The following PPP2R2B variants were observed in gnomAD, a reference collection of about 807,000 sequenced individuals.
PPP2R2B encodes the protein protein phosphatase 2 regulatory subunit Bbeta.
Under a neutral mutation model 46.0 loss-of-function variants are expected in PPP2R2B, and 5 were observed. That is an observed-to-expected ratio of 0.11 (90% confidence interval 0.06 to 0.23). PPP2R2B has a LOEUF of 0.23. Among genes scored for constraint, PPP2R2B ranks in the 10% least tolerant of loss-of-function variants. PPP2R2B has a pLI of 1.00. For missense variants in PPP2R2B, 367 were observed against 575.0 expected (o/e 0.64, Z 3.70); for synonymous variants, 215 against 206.7 (o/e 1.04, Z -0.34).
chr5:146,925,402 T>C (rs1378466814), intron 1 of PPP2R2B, among the ~76,000 whole-genome samples: 2 of 152,228 alleles, frequency 1.3e-5, no homozygotes, highest in African/African-American at 2.4e-5. Context: ...AAGGATAGTT[T>C]TGTTAGATAC....
At chr5:146,910,555 T>C (rs1193445565) in intron 1 of PPP2R2B, among the ~76,000 whole-genome samples, 1 of 152,214 alleles carries the variant, frequency 6.6e-6, no homozygotes, top group East Asian at 1.9e-4. Context: ...TTGCCTCATC[T>C]GCAAAAGGGT....
chr5:146,827,202 G>GC, intron 2 of PPP2R2B, among the ~76,000 whole-genome samples: 1 of 152,120 alleles, frequency 6.6e-6, no homozygotes, highest in Non-Finnish European at 1.5e-5. Context: ...TAGCTGAATT[G>GC]CCAGGGAATT....
At chr5:147,063,804 G>A (rs1757340179) in intron 2 of PPP2R2B, among the ~76,000 whole-genome samples, 1 of 152,196 alleles carries the variant, frequency 6.6e-6, no homozygotes, top group African/African-American at 2.4e-5. Flanking sequence ...GATTTGAAAG[G>A]AACGCAGCAC....
At chr5:146,842,310 T>G (rs1014487587) in intron 2 of PPP2R2B, among the ~76,000 whole-genome samples, 5 of 152,098 alleles carry the variant, frequency 3.3e-5, no homozygotes, top group Non-Finnish European at 5.9e-5. Flanking sequence ...GAGCCAGAGC[T>G]TTAATCAAAT....
At chr5:146,877,296 TGA>T (rs1761951592) in intron 2 of PPP2R2B, among the ~76,000 whole-genome samples, 1 of 152,172 alleles carries the variant, frequency 6.6e-6, no homozygotes, top group Non-Finnish European at 1.5e-5. Flanking sequence ...CTCAGCTTGC[TGA>T]ACCCTTTTGC....
intron 2 of PPP2R2B, among the ~76,000 whole-genome samples, chr5:146,876,172 ATATCTATTT>A (rs1223244046): frequency 1.3e-5 from 2 of 152,208 alleles, no homozygotes; most frequent in Non-Finnish European, 2.9e-5. Context: ...CTATAAACTC[ATATCTATTT>A]TTGACTATGT....
chr5:146,715,712 G>A (rs1780458567), intron 2 of PPP2R2B, among the ~76,000 whole-genome samples: 1 of 152,164 alleles, frequency 6.6e-6, no homozygotes, highest in Non-Finnish European at 1.5e-5. Context: ...AAACCCAATT[G>A]TAGTTCCAAA....
At chr5:146,909,663 C>T (rs1247978974) in intron 1 of PPP2R2B, among the ~76,000 whole-genome samples, 1 of 152,218 alleles carries the variant, frequency 6.6e-6, no homozygotes, top group African/African-American at 2.4e-5. Context: ...CTTGCAGCTG[C>T]CACTGTGTTG....
intron 2 of PPP2R2B, among the ~76,000 whole-genome samples, chr5:146,851,373 C>T (rs931662624): frequency 6.6e-6 from 1 of 152,078 alleles, no homozygotes; most frequent in African/African-American, 2.4e-5. Context: ...TGCTCACCTT[C>T]AAGAAGAGAG....
chr5:146,695,250 C>A (rs143903691), intron 4 of PPP2R2B, among the ~76,000 whole-genome samples: 1,794 of 152,130 alleles, frequency 0.012, 35 homozygotes, highest in African/African-American at 0.041. Flanking sequence ...GTGGTTCTCT[C>A]TGGATGGGAA....
chr5:146,689,033 T>G (rs536055314), intron 5 of PPP2R2B, among the ~76,000 whole-genome samples: 3 of 152,046 alleles, frequency 2.0e-5, no homozygotes, highest in Non-Finnish European at 4.4e-5. Context: ...AATACAACAG[T>G]ATAAAAAGTA....
chr5:146,651,262 A>G (rs192622475), intron 5 of PPP2R2B, among the ~76,000 whole-genome samples: 3 of 152,294 alleles, frequency 2.0e-5, no homozygotes, highest in Admixed American at 2.0e-4. Flanking sequence ...GTCCAAATTC[A>G]GCCACTAATA....
At chr5:146,607,723 G>A (rs2151030141) in intron 7 of PPP2R2B, 1 of 152,276 alleles carries the variant, frequency 6.6e-6, no homozygotes, top group East Asian at 1.9e-4. Flanking sequence ...AATTCATAGT[G>A]GGGAGAAGTG....
intron 2 of PPP2R2B, among the ~76,000 whole-genome samples, chr5:146,853,668 A>AT (rs925153859): frequency 1.0e-3 from 149 of 149,598 alleles, no homozygotes; most frequent in African/African-American, 2.9e-3. Context: ...AACTGCTATC[A>AT]TTTTTTTTTT....
chr5:146,865,293 GACACACACAC>G (rs36219835), intron 2 of PPP2R2B, among the ~76,000 whole-genome samples: 26,089 of 145,940 alleles, frequency 0.18, 2,625 homozygotes, highest in East Asian at 0.35. Context: ...CTTTGTCTCT[GACACACACAC>G]ACACACACAC....
chr5:146,584,296 CAGTCATAATAA>C lies in PPP2R2B; in HGVS notation c.*5640_*5650del, dbSNP rs1035812875. 82 of 152,300 alleles carry C rather than the reference CAGTCATAATAA, an allele frequency of 5.4e-4. No individual in the cohort carries two copies. Among genetic ancestry groups the C allele is most frequent in the African/African-American group, 1.9e-3 (78 of 41,556 alleles). 9.4% of individuals were successfully genotyped at this position (152,300 alleles called of 1,614,324 possible). On this transcript the variant is annotated 3_prime_UTR_variant, in exon 10 of 10. Transcript: ENST00000394411. ...ATATCTAAATTGGGGGACAGTTAAT[CAGTCATAATAA>C]GGTCAAAGTCAGAAGTTGGAGACCT... is the stretch of plus-strand genomic sequence containing the variant.
intron 1 of PPP2R2B, among the ~76,000 whole-genome samples, chr5:147,048,993 G>C (rs897460343): frequency 1.3e-5 from 2 of 151,912 alleles, no homozygotes; most frequent in Admixed American, 6.6e-5. Flanking sequence ...TAACAGGTCA[G>C]GTAAAAATAA....
At chr5:146,655,900 A>AGG (rs1776295651) in intron 5 of PPP2R2B, among the ~76,000 whole-genome samples, 1 of 37,444 alleles carries the variant, frequency 2.7e-5, no homozygotes, top group Admixed American at 3.7e-4. Context: ...CCCCAAAGAG[A>AGG]GGTGGGGGGT....
intron 1 of PPP2R2B, among the ~76,000 whole-genome samples, chr5:147,031,466 G>C (rs1335067353): frequency 5.1e-5 from 6 of 117,280 alleles, no homozygotes; most frequent in African/African-American, 1.8e-4. Flanking sequence ...ACTATGATGT[G>C]TCTAGGCATT....
Sources: gnomAD v4.1 joint callset for allele counts (sites outside exome capture counted in the v4.1 genomes callset) on GRCh38, gnomAD v4.1.1 for gene constraint, MANE v1.5 for transcripts, NCBI Gene and HGNC (gene_info 2026-07-23, HGNC 2026-07-21) for gene names.